Variants in ZNF627 observed in about 807,000 individuals in gnomAD.
ZNF627 encodes zinc finger protein 627.
A neutral mutation model predicts 10.6 loss-of-function variants in ZNF627; 12 were observed. The ratio of observed to expected loss-of-function variants is 1.13; its 90% CI spans 0.73 to 1.84. ZNF627 has a LOEUF of 1.84. Ranked by LOEUF, ZNF627 falls within the 40% of genes most tolerant of loss-of-function variation. The pLI is 0.00. For synonymous variants in ZNF627, 176 were observed against 187.1 expected (o/e 0.94, Z 0.48); for missense variants, 504 against 568.4 (o/e 0.89, Z 1.15).
intron 1 of ZNF627, among the ~76,000 whole-genome samples, chr19:11,610,559 C>T (rs745662095): frequency 2.0e-5 from 3 of 152,036 alleles, no homozygotes; most frequent in Admixed American, 1.3e-4. Flanking sequence ...GTCGTGATTA[C>T]GCCACTGCAC....
rs764994965 is a variant in ZNF627, at chr19:11,614,660, G to A, written c.130+7G>A. ...AGGAACCTGGCTTCTGTAGGTAAGG[G>A]TGACAATATTCCTTTCCTCAGTGAA... On this transcript the variant is annotated splice_region_variant and intron_variant, in intron 2 of 3. Transcript: ENST00000361113. The A allele has an allele frequency of 1.9e-6, 3 of 1,613,646 alleles. No homozygotes were observed. Among genetic ancestry groups the A allele is most frequent in the Non-Finnish European group, 2.5e-6 (3 of 1,179,956 alleles).
intron 1 of ZNF627, among the ~76,000 whole-genome samples, chr19:11,613,441 G>A (rs930883176): frequency 2.0e-5 from 3 of 151,438 alleles, no homozygotes; most frequent in Non-Finnish European, 4.4e-5. Flanking sequence ...GTTTCTGGAG[G>A]TAGAGCTCAC....
At chr19:11,597,858 C>T (rs1480970540) in intron 1 of ZNF627, among the ~76,000 whole-genome samples, 2 of 152,190 alleles carry the variant, frequency 1.3e-5, no homozygotes, top group South Asian at 2.1e-4. Context: ...CCACATGGTG[C>T]GGGGGCCGCG....
At chr19:11,604,595 G>T (rs1973642647) in intron 1 of ZNF627, among the ~76,000 whole-genome samples, 1 of 152,172 alleles carries the variant, frequency 6.6e-6, no homozygotes, top group Admixed American at 6.6e-5. Flanking sequence ...GGCATGTGTG[G>T]TTCCCAGCTC....
chr19:11,599,814 T>C (rs1342523913), intron 1 of ZNF627, among the ~76,000 whole-genome samples: 1 of 150,904 alleles, frequency 6.6e-6, no homozygotes, highest in Admixed American at 6.6e-5. Flanking sequence ...GGCTGAGGCA[T>C]GAGAATCGCT....
At position 11,616,087 on chromosome 19, in the gene ZNF627, G is replaced by A. The variant is rs888954152; in HGVS notation, c.192-608G>A. The stretch of plus-strand genomic sequence containing the variant: ...GAGTTTCGCTCTTGTTGCCCAGGCT[G>A]AAGTGCAATGGCATGATCTTGGCTC... On this transcript the variant is annotated intron_variant, in intron 3 of 3. Coordinates refer to ENST00000361113, the MANE Select transcript of ZNF627 (RefSeq NM_145295.4). 6.8e-5 allele frequency among the ~76,000 whole-genome samples: 10 copies of A among 146,818 alleles called. No homozygotes were observed. In the East Asian group the frequency reaches 1.8e-3, roughly 27 times the overall value.
At position 11,617,461 on chromosome 19, in the gene ZNF627, G is replaced by A. The variant is rs201113109; in HGVS notation, c.958G>A (p.Ala320Thr). 6.2e-7 allele frequency: 1 copy of A among 1,613,770 alleles called. No individual in the cohort carries two copies. The highest frequency in any genetic ancestry group is 2.2e-5 in the East Asian group (1 of 44,852). Residue 320 changes from alanine (A) to threonine (T), a missense_variant, in exon 4 of 4, where the codon GCA becomes ACA. Transcript: ENST00000361113. ...KECGKALTCL[A>T]SVRRHMIKHT... is the part of the protein sequence containing the mutation. The stretch of plus-strand genomic sequence containing the variant: ...ATGCGGGAAGGCTTTGACTTGTCTT[G>A]CAAGTGTTAGAAGACACATGATAAA...
At chr19:11,602,898 G>A (rs1226410990) in intron 1 of ZNF627, among the ~76,000 whole-genome samples, 1 of 152,168 alleles carries the variant, frequency 6.6e-6, no homozygotes, top group East Asian at 1.9e-4. Flanking sequence ...AACACCTGTG[G>A]ACTCACTACC....
In ZNF627 at chr19:11,597,603, C is replaced by T; in HGVS notation, c.-25C>T. The stretch of plus-strand genomic sequence containing the variant: ...CAGGTCGCGGGAGTCGTAGGGAGGA[C>T]GCCGGGACACCTGGAAGCCGAGAAA... On this transcript the variant is annotated 5_prime_UTR_variant, in exon 1 of 4. The change creates a new upstream start codon in the 5' untranslated region. Coordinates refer to ENST00000361113, the MANE Select transcript of ZNF627 (RefSeq NM_145295.4). 1 of 1,327,416 alleles carries T rather than the reference C, an allele frequency of 7.5e-7. No individual in the cohort carries two copies. The allele number at this position is 1,327,416 out of a possible 1,614,324, so 82.2% of individuals were successfully genotyped here.
rs1006143184 is a variant in ZNF627, at chr19:11,605,080, CT to C, written c.3+7471del. 5.5e-3 allele frequency among the ~76,000 whole-genome samples: 586 copies of C among 105,920 alleles called. 2 individuals carry two copies. Among genetic ancestry groups the C allele is most frequent in the Middle Eastern group, 0.022 (4 of 178 alleles). 69.5% of individuals were successfully genotyped at this position (105,920 alleles called of 152,430 possible). On this transcript the variant is annotated intron_variant, in intron 1 of 3. Coordinates refer to ENST00000361113, the MANE Select transcript of ZNF627 (RefSeq NM_145295.4). ...TCTTCAGCCTAGTTTTTCTTTCTTT[CT>C]TTTTTTTTTTTTTTTTTTTTGAGAT... is the stretch of plus-strand genomic sequence containing the variant.
At chr19:11,600,482 G>A (rs1973566462) in intron 1 of ZNF627, among the ~76,000 whole-genome samples, 1 of 151,978 alleles carries the variant, frequency 6.6e-6, no homozygotes, top group South Asian at 2.1e-4. Flanking sequence ...AGCAAGTGTA[G>A]TAAGTTTCTC....
At chr19:11,605,777 T>C (rs544286289) in intron 1 of ZNF627, among the ~76,000 whole-genome samples, 1 of 152,180 alleles carries the variant, frequency 6.6e-6, no homozygotes, top group African/African-American at 2.4e-5. Context: ...ATCCTCACAT[T>C]TTAAAACAAT....
rs544697341 is a variant in ZNF627, at chr19:11,600,864, T to C, written c.3+3234T>C. Among the ~76,000 whole-genome samples, 22 of 152,328 alleles carry C rather than the reference T, an allele frequency of 1.4e-4. No homozygotes were observed. In the Middle Eastern group the frequency reaches 0.014, roughly 94 times the overall value. ...TAGAAAGAATAAATAACATGTTTAT[T>C]GTCTGAAGAGGATGGATACTTTTAC... On this transcript the variant is annotated intron_variant, in intron 1 of 3. Coordinates refer to ENST00000361113, the MANE Select transcript of ZNF627 (RefSeq NM_145295.4).
intron 1 of ZNF627, among the ~76,000 whole-genome samples, chr19:11,597,879 G>C (rs767993849): frequency 2.2e-4 from 34 of 152,224 alleles, no homozygotes; most frequent in South Asian, 4.1e-4. Context: ...GGAGGGTCAT[G>C]GGGGTATCCC....
rs1204192640 is a variant in ZNF627 at position 11,617,690 on chromosome 19, G to A, written c.1187G>A (p.Cys396Tyr). The part of the protein sequence containing the change: ...TGEKPYKCTK[C>Y]GKAFSRSSYF... ...GAGAAACCCTATAAATGTACAAAAT[G>A]TGGGAAAGCCTTCAGTCGTTCCAGT... The change falls in exon 4 of 4, where the codon TGT (cysteine) becomes TAT (tyrosine). Residue 396 changes from cysteine to tyrosine, a missense_variant. Coordinates refer to ENST00000361113, the MANE Select transcript of ZNF627 (RefSeq NM_145295.4). 1 of 1,612,828 alleles carries A rather than the reference G, an allele frequency of 6.2e-7. No homozygotes were observed. Among genetic ancestry groups the A allele is most frequent in the Admixed American group, 1.7e-5 (1 of 59,754 alleles).
intron 1 of ZNF627, among the ~76,000 whole-genome samples, chr19:11,602,940 G>T (rs1425785317): frequency 6.6e-6 from 1 of 152,254 alleles, no homozygotes; most frequent in Admixed American, 6.5e-5. Context: ...GGCATTTCTG[G>T]TATGTCCTGA....
intron 1 of ZNF627, among the ~76,000 whole-genome samples, chr19:11,606,501 G>A (rs1973677710): frequency 6.6e-6 from 1 of 152,192 alleles, no homozygotes; most frequent in African/African-American, 2.4e-5. Context: ...GGCACTGAGT[G>A]TCTGTGGCTT....
rs1007998567 is a variant in ZNF627 at position 11,618,122 on chromosome 19, G to C, written c.*233G>C. 4.5e-6 allele frequency: 2 copies of C among 441,394 alleles called. No homozygotes were observed. The highest frequency in any genetic ancestry group is 3.4e-5 in the East Asian group (1 of 29,036). The allele number at this position is 441,394 out of a possible 1,614,324, so 27.3% of individuals were successfully genotyped here. ...GGTAGGTTAGGAACTAGATTTCCCA[G>C]AATCCATTCCATTTGTGATTCCATG... On this transcript the variant is annotated 3_prime_UTR_variant, in exon 4 of 4. Transcript: ENST00000361113.
intron 1 of ZNF627, among the ~76,000 whole-genome samples, chr19:11,609,249 G>A (rs1028410477): frequency 2.0e-5 from 3 of 152,036 alleles, no homozygotes; most frequent in African/African-American, 7.2e-5. Flanking sequence ...GTTTAGTAGT[G>A]TTAACTATAC....
Sources: gnomAD v4.1 joint callset for allele counts (sites outside exome capture counted in the v4.1 genomes callset) on GRCh38, gnomAD v4.1.1 for gene constraint, MANE v1.5 for transcripts, NCBI Gene and HGNC (gene_info 2026-07-23, HGNC 2026-07-21) for gene names.